Variants in MTMR2 observed in about 807,000 individuals in gnomAD.
The protein encoded by MTMR2 is myotubularin related protein 2.
MTMR2 carries 55 observed loss-of-function variants against 86.9 expected under a neutral mutation model. The observed-to-expected ratio is 0.63, with a 90% CI of 0.51 to 0.79. MTMR2 has a LOEUF of 0.79. Ranked by LOEUF, MTMR2 falls within the 30% of genes least tolerant of loss-of-function variation. The pLI, the probability that MTMR2 is intolerant of heterozygous loss-of-function variation, is 0.00. For synonymous variants in MTMR2, 241 were observed against 266.8 expected, an observed-to-expected ratio of 0.90 and a Z score of 0.94; for missense variants, 659 against 772.3, an observed-to-expected ratio of 0.85 and a Z score of 1.74.
At chr11:95,837,528 C>T (rs995413291) in intron 13 of MTMR2, among the ~76,000 whole-genome samples, 4 of 152,014 alleles carry the variant, frequency 2.6e-5, no homozygotes, top group Admixed American at 6.6e-5. Flanking sequence ...GTAATCCTTA[C>T]ACCATTTCTT....
intron 1 of MTMR2, among the ~76,000 whole-genome samples, chr11:95,913,947 T>C (rs1053685248): frequency 2.6e-5 from 4 of 152,114 alleles, no homozygotes; most frequent in Non-Finnish European, 5.9e-5. Context: ...ATTCTTGTCA[T>C]CCTCTTCTCA....
At chr11:95,923,819 C>T (rs1867024839) in intron 1 of MTMR2, 56 bp downstream of exon 1, 1 of 1,533,168 alleles carries the variant, frequency 6.5e-7, no homozygotes, top group Admixed American at 2.0e-5. Flanking sequence ...CAGCAGGTCC[C>T]CGGCCCCTCT....
intron 2 of MTMR2, among the ~76,000 whole-genome samples, chr11:95,885,784 G>A (rs547767409): frequency 1.3e-5 from 2 of 152,076 alleles, no homozygotes; most frequent in East Asian, 3.9e-4. Flanking sequence ...TATGTGGGTG[G>A]GGGAGGGGCT....
intron 2 of MTMR2, chr11:95,866,328 C>T (rs1044414059): frequency 6.5e-6 from 1 of 153,008 alleles, no homozygotes; most frequent in Non-Finnish European, 1.5e-5. Context: ...CACAGACACA[C>T]CCAAATTGTC....
intron 1 of MTMR2, among the ~76,000 whole-genome samples, chr11:95,893,745 A>G: frequency 6.6e-6 from 1 of 152,060 alleles, no homozygotes; most frequent in Non-Finnish European, 1.5e-5. Context: ...TATCACATCC[A>G]ATCTATCCAA....
intron 2 of MTMR2, among the ~76,000 whole-genome samples, chr11:95,887,421 AG>A (rs1052428965): frequency 6.6e-6 from 1 of 150,694 alleles, no homozygotes; most frequent in Non-Finnish European, 1.5e-5. Context: ...TGTTTTTTGG[AG>A]AAAAAAAAAA....
intron 1 of MTMR2, among the ~76,000 whole-genome samples, chr11:95,897,468 A>G (rs1354407919): frequency 6.6e-6 from 1 of 152,186 alleles, no homozygotes; most frequent in Non-Finnish European, 1.5e-5. Context: ...AAAGTCTTTA[A>G]GAGAATATTT....
At chr11:95,888,126 T>C (rs1327284662) in intron 2 of MTMR2, 30 bp downstream of exon 2, 21 of 1,504,294 alleles carry the variant, frequency 1.4e-5, no homozygotes, top group Non-Finnish European at 1.8e-5. Flanking sequence ...CAGAAAGTAC[T>C]TCATCAGAAC....
intron 7 of MTMR2, among the ~76,000 whole-genome samples, chr11:95,855,647 C>A (rs1407308539): frequency 6.6e-6 from 1 of 151,858 alleles, no homozygotes. Flanking sequence ...TTAGTGGCAG[C>A]ACATGATAAA....
chr11:95,841,903 C>T (rs1291000290), intron 11 of MTMR2, among the ~76,000 whole-genome samples, 194 bp from the exon 12 acceptor site: 1 of 152,096 alleles, frequency 6.6e-6, no homozygotes, highest in Non-Finnish European at 1.5e-5. Context: ...CGAGATGGGT[C>T]TGGGCAACAT....
chr11:95,847,624 C>CT (rs1349209410), intron 10 of MTMR2, 90 bp downstream of exon 10: 1 of 1,175,174 alleles, frequency 8.5e-7, no homozygotes, highest in Non-Finnish European at 1.3e-6. Flanking sequence ...AGAAAGGTAC[C>CT]TTCATGTTGA....
intron 7 of MTMR2, 51 bp from the exon 8 acceptor site, chr11:95,850,800 A>G (rs751928571): frequency 4.0e-6 from 6 of 1,493,924 alleles, no homozygotes; most frequent in Admixed American, 1.7e-5. Context: ...TAAAATATTA[A>G]ACGACACCAG....
At chr11:95,899,671 A>G (rs1419492435) in intron 1 of MTMR2, among the ~76,000 whole-genome samples, 1 of 152,020 alleles carries the variant, frequency 6.6e-6, no homozygotes, top group Non-Finnish European at 1.5e-5. Flanking sequence ...AGAGGAGGAA[A>G]GGACTAAATA....
chr11:95,839,798 CATT>C lies in MTMR2; in HGVS notation c.1480-1594_1480-1592del, dbSNP rs1372858401. Among the ~76,000 whole-genome samples, 9 of 152,160 alleles carry C rather than the reference CATT, an allele frequency of 5.9e-5. No individual in the cohort carries two copies. The South Asian group carries it at 1.7e-3, about 28-fold the overall frequency. On this transcript the variant is annotated intron_variant, in intron 12 of 14. Coordinates refer to ENST00000346299, the MANE Select transcript of MTMR2 (RefSeq NM_016156.6). ...TATAAAACTGATAATTGCTAACAAACATTATGACTAGTTAATATGCTTTATATT... is the reference window on the plus strand; with the variant it reads ...TATAAAACTGATAATTGCTAACAAACATGACTAGTTAATATGCTTTATATT...
At chr11:95,920,716 A>T (rs1210931343) in intron 1 of MTMR2, among the ~76,000 whole-genome samples, 1 of 152,208 alleles carries the variant, frequency 6.6e-6, no homozygotes, top group African/African-American at 2.4e-5. Context: ...CCTGTAATCC[A>T]ACTTCAATGG....
chr11:95,906,818 T>C (rs1866294837), intron 1 of MTMR2, among the ~76,000 whole-genome samples: 1 of 152,148 alleles, frequency 6.6e-6, no homozygotes, highest in Admixed American at 6.6e-5. Flanking sequence ...CAAGAAATTA[T>C]TTAAAACTAA....
intron 1 of MTMR2, among the ~76,000 whole-genome samples, chr11:95,914,503 T>C (rs1434381207): frequency 6.6e-6 from 1 of 152,124 alleles, no homozygotes; most frequent in Non-Finnish European, 1.5e-5. Flanking sequence ...CTACCGATAC[T>C]ACCCTCTTAA....
chr11:95,844,220 T>C (rs1397691762), intron 11 of MTMR2, among the ~76,000 whole-genome samples: 1 of 152,190 alleles, frequency 6.6e-6, no homozygotes, highest in East Asian at 1.9e-4. Context: ...AATGGCCGTT[T>C]CATGATAAGT....
chr11:95,870,221 C>A (rs138574186), intron 2 of MTMR2, among the ~76,000 whole-genome samples: 1 of 151,908 alleles, frequency 6.6e-6, no homozygotes, highest in Non-Finnish European at 1.5e-5. Flanking sequence ...TAGGGTAAAA[C>A]GTTAATGGAA....
Sources: allele counts gnomAD v4.1 joint callset (sites outside exome capture counted in the v4.1 genomes callset), GRCh38; gene constraint gnomAD v4.1.1; transcripts MANE v1.5; gene names NCBI Gene and HGNC (gene_info 2026-07-23, HGNC 2026-07-21).